Variants in SGSM2 observed in about 807,000 individuals in gnomAD.
The protein encoded by SGSM2 is small G protein signaling modulator 2.
Under a neutral mutation model 126.6 loss-of-function variants are expected in SGSM2, and 89 were observed. The ratio of observed to expected loss-of-function variants is 0.70; its 90% CI spans 0.59 to 0.84. The LOEUF (loss-of-function observed/expected upper bound fraction) is 0.84. SGSM2 is among the 40% of genes least tolerant of loss of function. SGSM2 has a pLI of 0.00. For missense variants in SGSM2, 1,404 were observed against 1,416.6 expected (o/e 0.99, Z 0.14); for synonymous variants, 614 against 574.3 (o/e 1.07, Z -0.99).
chr17:2,379,465 T>C lies in SGSM2; in HGVS notation c.3101T>C (p.Leu1034Pro). Reference sequence around the variant, plus strand: ...GAGCATCACGATGCCCAGGAGATCCTGCGGATTGCCCGGGACCTCGTCCAC... The same window carrying C: ...GAGCATCACGATGCCCAGGAGATCCCGCGGATTGCCCGGGACCTCGTCCAC... ...RAEHHDAQEI[L>P]RIARDLVHKV... Residue 1034 changes from leucine to proline, a missense_variant, in exon 24 of 24, where the codon CTG becomes CCG. By Grantham distance (98) the Leu-to-Pro change is moderately conservative. Coordinates refer to ENST00000268989, the MANE Select transcript of SGSM2 (RefSeq NM_014853.3). The C allele has an allele frequency of 1.2e-6, 2 of 1,613,648 alleles. No homozygotes were observed. The highest frequency in any genetic ancestry group is 1.7e-6 in the Non-Finnish European group (2 of 1,179,730).
At chr17:2,345,184 C>T (rs371784894) in intron 2 of SGSM2, among the ~76,000 whole-genome samples, 4 of 152,134 alleles carry the variant, frequency 2.6e-5, no homozygotes, top group African/African-American at 4.8e-5. Context: ...AATTCTCGGC[C>T]GGGCACAGTG....
At chr17:2,340,680 G>A (rs1335728285) in intron 1 of SGSM2, among the ~76,000 whole-genome samples, 1 of 151,892 alleles carries the variant, frequency 6.6e-6, no homozygotes, top group Admixed American at 6.6e-5. Context: ...CGCCTCCCGG[G>A]TTCACGCCTT....
At chr17:2,371,150 C>T (rs755508137) in intron 12 of SGSM2, 112 bp from the exon 13 acceptor site, 34 of 1,246,484 alleles carry the variant, frequency 2.7e-5, no homozygotes, top group Non-Finnish European at 3.7e-5. Flanking sequence ...TGTGATTTTC[C>T]ACCCATGGGT....
chr17:2,345,563 T>A (rs1301416589), intron 2 of SGSM2, among the ~76,000 whole-genome samples: 1 of 134,128 alleles, frequency 7.5e-6, no homozygotes, highest in Non-Finnish European at 1.5e-5. Flanking sequence ...GCCACTGCAC[T>A]CCAGCCTGGG....
rs756944096 is a variant in SGSM2, at chr17:2,337,647, C to T, written c.-42C>T. ...GAGAGGCGCGGAGGCGGCGAGGGCG[C>T]GGGGGCTCTGAGGACCGCTCGGCGC... On this transcript the variant is annotated 5_prime_UTR_variant, in exon 1 of 24. Transcript: ENST00000268989. The surrounding 1 kb of genome is among the most constrained non-coding windows in gnomAD (Gnocchi z 5.1). The T allele has an allele frequency of 3.5e-5, 48 of 1,374,190 alleles. No homozygotes were observed. The highest frequency in any genetic ancestry group is 4.3e-5 in the Non-Finnish European group (45 of 1,043,720). The allele number at this position is 1,374,190 out of a possible 1,614,324, so 85.1% of individuals were successfully genotyped here.
chr17:2,346,530 G>A (rs2064604445), intron 2 of SGSM2, among the ~76,000 whole-genome samples: 1 of 152,236 alleles, frequency 6.6e-6, no homozygotes, highest in East Asian at 1.9e-4. Flanking sequence ...GGAGGGGCAA[G>A]ACTCCTAGGA....
chr17:2,364,168 C>T lies in SGSM2; in HGVS notation c.917C>T (p.Ser306Phe), dbSNP rs1198657759. 6.2e-7 allele frequency: 1 copy of T among 1,613,548 alleles called. No individual in the cohort carries two copies. The highest frequency in any genetic ancestry group is 8.5e-7 in the Non-Finnish European group (1 of 1,179,870). Residue 306 changes from serine to phenylalanine, a missense_variant, in exon 8 of 24, where the codon TCC (serine) becomes TTC (phenylalanine). Ser to Phe is a radical substitution (Grantham distance 155). Transcript: ENST00000268989. Reference sequence around the variant, plus strand: ...CTCATGAATGGGACTCTGGGGGACTCCGAGCTGGAAAAGAGGTGGGGGCTT... The same window carrying T: ...CTCATGAATGGGACTCTGGGGGACTTCGAGCTGGAAAAGAGGTGGGGGCTT... ...NQLMNGTLGD[S>F]ELEKSVYWDY...
At position 2,372,594 on chromosome 17, in the gene SGSM2, C is replaced by G. The variant is rs150367779; in HGVS notation, c.1788+106C>G. 3 of 1,444,748 alleles carry G rather than the reference C, an allele frequency of 2.1e-6. No homozygotes were observed. Among genetic ancestry groups the G allele is most frequent in the Non-Finnish European group, 2.8e-6 (3 of 1,062,994 alleles). 89.5% of individuals were successfully genotyped at this position (1,444,748 alleles called of 1,614,324 possible). A position where few individuals can be genotyped will look rare whatever the true frequency, so the allele number is the denominator to read the frequency against. On this transcript the variant is annotated intron_variant, in intron 15 of 23. Transcript: ENST00000268989. This position sits in a 1 kb window ranked among gnomAD's most constrained non-coding sequence, Gnocchi z 6.0. ...GTGGGTGCGGTTGACAGGCCAGGGC[C>G]GATGCCACGGAGTGACCAGGGTCCC...
chr17:2,340,072 T>C (rs2064278747), intron 1 of SGSM2, among the ~76,000 whole-genome samples: 1 of 152,166 alleles, frequency 6.6e-6, no homozygotes, highest in Non-Finnish European at 1.5e-5. Flanking sequence ...GCTGGGATTA[T>C]AGATATGGCT....
chr17:2,375,612 C>T lies in SGSM2; in HGVS notation c.2221C>T (p.His741Tyr). The change falls in exon 18 of 24, where the codon CAT becomes TAT. Residue 741 changes from histidine to tyrosine, a missense_variant. His to Tyr is a moderately conservative substitution (Grantham distance 83, BLOSUM62 2). Coordinates refer to ENST00000268989, the MANE Select transcript of SGSM2 (RefSeq NM_014853.3). ...GGGCACCGCCGTGGTGGAGCAGCAG[C>T]ATTCCGTGGAGTTCGACTCTCCAGA... The part of the protein sequence containing the change: ...TPGTAVVEQQ[H>Y]SVEFDSPDSG... The T allele has an allele frequency of 6.2e-7, 1 of 1,614,066 alleles. No homozygotes were observed.
At chr17:2,360,028 T>C (rs567394095) in intron 2 of SGSM2, among the ~76,000 whole-genome samples, 1 of 152,158 alleles carries the variant, frequency 6.6e-6, no homozygotes, top group East Asian at 1.9e-4. Context: ...GAGAGGAGCA[T>C]GTGGACGCTT....
intron 17 of SGSM2, chr17:2,374,484 G>A (rs1177533974): frequency 1.3e-5 from 2 of 152,180 alleles, no homozygotes; most frequent in African/African-American, 4.8e-5. Flanking sequence ...GGCTGAGGTG[G>A]GGGGACCACC....
chr17:2,360,641 A>G lies in SGSM2; in HGVS notation c.134-996A>G, dbSNP rs546723871. On this transcript the variant is annotated intron_variant, in intron 2 of 23. Transcript: ENST00000268989. ...TAGCCCTCTTCCCATTTCACAGAGG[A>G]TACAACTGAGTCTCAGAGCAAGTGA... is the stretch of plus-strand genomic sequence containing the variant. Among the ~76,000 whole-genome samples the G allele has an allele frequency of 2.6e-5, 4 of 152,324 alleles. No homozygotes were observed. The East Asian group carries it at 7.7e-4, about 29-fold the overall frequency.
intron 11 of SGSM2, chr17:2,366,997 C>T (rs1485572869): frequency 9.7e-6 from 4 of 411,908 alleles, no homozygotes; most frequent in Admixed American, 3.8e-5. Context: ...CCCGGTCTTT[C>T]ACATCCTCCC....
Position 2,372,725 on chromosome 17 carries a change from T to C in SGSM2, c.1789-228T>C, listed in dbSNP as rs910681634. The C allele has an allele frequency of 1.9e-5, 15 of 802,640 alleles. No homozygotes were observed. In the African/African-American group the frequency reaches 2.6e-4, roughly 14 times the overall value. 49.7% of individuals were successfully genotyped at this position (802,640 alleles called of 1,614,324 possible). On this transcript the variant is annotated intron_variant, in intron 15 of 23. Coordinates refer to ENST00000268989, the MANE Select transcript of SGSM2 (RefSeq NM_014853.3). The surrounding 1 kb of genome is among the most constrained non-coding windows in gnomAD (Gnocchi z 6.0). ...CTGTGACCCTGGACAAAGCTTTGCC[T>C]CTCTCCGGGCGCCATTTCCTGCCCC...
intron 19 of SGSM2, 23 bp downstream of exon 19, chr17:2,376,284 G>A (rs764393374): frequency 8.1e-6 from 13 of 1,609,038 alleles, no homozygotes; most frequent in African/African-American, 6.7e-5. Context: ...GCGGGGCTCA[G>A]GGTGGGAGGC....
intron 12 of SGSM2, among the ~76,000 whole-genome samples, chr17:2,370,118 C>G (rs2151608065): frequency 6.6e-6 from 1 of 152,340 alleles, no homozygotes; most frequent in East Asian, 1.9e-4. Context: ...CTGCGGCAGG[C>G]CACAGTGGGC....
In SGSM2 at chr17:2,375,378, T is replaced by C. The variant is rs1055169581; in HGVS notation, c.2101-114T>C. 9.7e-6 allele frequency: 13 copies of C among 1,336,346 alleles called. No individual in the cohort carries two copies. The African/African-American group carries it at 1.9e-4, about 20-fold the overall frequency. 82.8% of individuals were successfully genotyped at this position (1,336,346 alleles called of 1,614,324 possible). A position where few individuals can be genotyped will look rare whatever the true frequency, so the allele number is the denominator to read the frequency against. ...GTGGCCACAGTGTTGGAGGCTGTGG[T>C]GGGAGAGGGGGTGTGAAGAGTTTTG... is the stretch of plus-strand genomic sequence containing the variant. On this transcript the variant is annotated intron_variant, in intron 17 of 23. Transcript: ENST00000268989.
chr17:2,359,246 A>C (rs1050069988), intron 2 of SGSM2, among the ~76,000 whole-genome samples: 1 of 152,038 alleles, frequency 6.6e-6, no homozygotes, highest in Non-Finnish European at 1.5e-5. Flanking sequence ...GTTCTCAAGT[A>C]GTGGTGTCAC....
Sources: gnomAD v4.1 joint callset for allele counts (sites outside exome capture counted in the v4.1 genomes callset) on GRCh38, gnomAD v4.1.1 for gene constraint, Gnocchi (gnomAD v3.1) non-coding constraint, MANE v1.5 for transcripts, NCBI Gene and HGNC (gene_info 2026-07-23, HGNC 2026-07-21) for gene names.